The following CUBN variants were observed in gnomAD, a reference collection of about 807,000 sequenced individuals.
The protein encoded by CUBN is 460 kDa receptor.
In CUBN, 282 loss-of-function variants were observed where a neutral mutation model predicts 405.3. The observed-to-expected ratio is 0.70, with a 90% CI of 0.63 to 0.77. CUBN has a LOEUF of 0.77. Among genes scored for constraint, CUBN ranks in the 30% least tolerant of loss-of-function variants. The pLI, the probability that CUBN is intolerant of heterozygous loss-of-function variation, is 0.00. For synonymous variants in CUBN, 1,684 were observed against 1,617.0 expected (o/e 1.04, Z -0.99); for missense variants, 4,514 against 4,475.2 (o/e 1.01, Z -0.25).
At chr10:16,832,656 C>G (rs1350892205) in intron 64 of CUBN, among the ~76,000 whole-genome samples, 1 of 152,184 alleles carries the variant, frequency 6.6e-6, no homozygotes, top group African/African-American at 2.4e-5. Context: ...ACTGACACTG[C>G]TGACAACTTG....
rs191956697 is a variant in CUBN, at chr10:16,835,473, C to T, written c.10181-278G>A. 3.7e-3 allele frequency among the ~76,000 whole-genome samples: 557 copies of T among 152,242 alleles called. 5 individuals carry two copies. Among genetic ancestry groups the T allele is most frequent in the Non-Finnish European group, 6.7e-3 (459 of 68,024 alleles). On this transcript the variant is annotated intron_variant, in intron 63 of 66. Transcript: ENST00000377833. ...CCTTTAAAGACGAATACTCGAGCAT[C>T]CTTTGAACTTTTCTGATCACGTTGA...
intron 31 of CUBN, among the ~76,000 whole-genome samples, chr10:16,973,816 T>C (rs978130667): frequency 5.9e-5 from 9 of 152,202 alleles, no homozygotes; most frequent in East Asian, 3.9e-4. Flanking sequence ...GAAAAGGACA[T>C]GGTCTTGTTC....
chr10:16,983,147 T>C (rs1411638984), intron 30 of CUBN, among the ~76,000 whole-genome samples: 1 of 152,208 alleles, frequency 6.6e-6, no homozygotes, highest in Non-Finnish European at 1.5e-5. Flanking sequence ...GTTAGTTCAA[T>C]GTCTTCTCTA....
intron 50 of CUBN, among the ~76,000 whole-genome samples, chr10:16,904,830 C>T (rs1841512160): frequency 6.6e-6 from 1 of 152,194 alleles, no homozygotes; most frequent in East Asian, 1.9e-4. Flanking sequence ...GACCACAAGC[C>T]GGTGGTTTTG....
intron 31 of CUBN, among the ~76,000 whole-genome samples, chr10:16,957,178 C>T (rs1297257030): frequency 6.6e-6 from 1 of 152,124 alleles, no homozygotes; most frequent in Admixed American, 6.5e-5. Flanking sequence ...CAAATATCTC[C>T]CCATAATTTC....
chr10:17,109,623 G>C lies in CUBN; in HGVS notation c.1111+17C>G. Reference sequence around the variant, plus strand: ...ATATTACAATACCCAAAGCCAAAGAGAGAGATGAGTCATTACCTAGAGTTG... The same window carrying C: ...ATATTACAATACCCAAAGCCAAAGACAGAGATGAGTCATTACCTAGAGTTG... On this transcript the variant is annotated intron_variant, in intron 10 of 66. Coordinates refer to ENST00000377833, the MANE Select transcript of CUBN (RefSeq NM_001081.4). 1 of 1,598,830 alleles carries C rather than the reference G, an allele frequency of 6.3e-7. No individual in the cohort carries two copies. The highest frequency in any genetic ancestry group is 8.6e-7 in the Non-Finnish European group (1 of 1,166,052).
intron 17 of CUBN, among the ~76,000 whole-genome samples, chr10:17,075,073 C>CTTTTCT: frequency 1.5e-5 from 1 of 65,320 alleles, no homozygotes; most frequent in Admixed American, 1.7e-4. Context: ...TCTTTGTTTT[C>CTTTTCT]TTTTTTTTTT....
chr10:16,896,460 G>C (rs1841186731), intron 54 of CUBN, among the ~76,000 whole-genome samples: 2 of 152,054 alleles, frequency 1.3e-5, no homozygotes, highest in Admixed American at 1.3e-4. Context: ...CAATTCCTTT[G>C]TTTCAGCACT....
chr10:17,109,667 G>T lies in CUBN; in HGVS notation c.1084C>A (p.Pro362Thr). 6.2e-7 allele frequency: 1 copy of T among 1,613,826 alleles called. No homozygotes were observed. Residue 362 changes from proline (P) to threonine (T), a missense_variant, in exon 10 of 67, where the codon CCA becomes ACA. By Grantham distance (38) the Pro-to-Thr change is conservative. Coordinates refer to ENST00000377833, the MANE Select transcript of CUBN (RefSeq NM_001081.4). ...ICSVSNGGCH[P>T]DASCSSTLGS... ...AGAGTTGAGGAGCATGAGGCATCTG[G>T]GTGGCAGCCTCCATTACTGACTGAG...
chr10:17,031,835 T>C (rs994202207), intron 27 of CUBN, among the ~76,000 whole-genome samples: 6 of 152,224 alleles, frequency 3.9e-5, no homozygotes, highest in Non-Finnish European at 8.8e-5. Flanking sequence ...TTGGAATCTG[T>C]TATGCCATCA....
chr10:17,004,978 C>T (rs902936842), intron 28 of CUBN, among the ~76,000 whole-genome samples: 11 of 152,102 alleles, frequency 7.2e-5, no homozygotes, highest in African/African-American at 2.7e-4. Flanking sequence ...CTTTAATACG[C>T]TGCCTCACCC....
At chr10:16,854,832 C>A (rs889642000) in intron 59 of CUBN, among the ~76,000 whole-genome samples, 2 of 152,052 alleles carry the variant, frequency 1.3e-5, no homozygotes, top group African/African-American at 4.8e-5. Context: ...TTCCAGGGAA[C>A]CCCAGAACAA....
chr10:17,096,468 T>C (rs889613826), intron 14 of CUBN, among the ~76,000 whole-genome samples: 1 of 152,030 alleles, frequency 6.6e-6, no homozygotes, highest in Non-Finnish European at 1.5e-5. Flanking sequence ...ATGCTTGAAA[T>C]ATTGGGAAAA....
At chr10:17,031,410 T>C (rs1834784601) in intron 27 of CUBN, among the ~76,000 whole-genome samples, 1 of 152,140 alleles carries the variant, frequency 6.6e-6, no homozygotes, top group African/African-American at 2.4e-5. Context: ...TTGACTCTTA[T>C]TACTCCGTTT....
rs764905563 is a variant in CUBN at position 16,937,776 on chromosome 10, A to G, written c.5742T>C (p.Asp1914=). The G allele has an allele frequency of 3.1e-6, 5 of 1,613,942 alleles. No homozygotes were observed. Among genetic ancestry groups the G allele is most frequent in the Non-Finnish European group, 3.4e-6 (4 of 1,179,848 alleles). The stretch of plus-strand genomic sequence containing the variant: ...TTAGGCGGGCGTGAATGCTAGGCCC[A>G]TCATAGATCTGTACATAAAAACAGA... ...NCYYDKLRIY[D]GPSIHARLIG... is the part of the protein sequence containing the mutation. Residue 1914 remains aspartate, a synonymous_variant, in exon 39 of 67, where the codon GAT becomes GAC. Transcript: ENST00000377833.
chr10:17,007,267 C>T (rs888363678), intron 28 of CUBN, among the ~76,000 whole-genome samples: 3 of 150,594 alleles, frequency 2.0e-5, no homozygotes, highest in Admixed American at 6.6e-5. Flanking sequence ...TACCATGAAC[C>T]GATTAGAGAC....
At chr10:16,952,472 C>A (rs990183235) in intron 32 of CUBN, 83 bp from the exon 33 acceptor site, 7 of 899,442 alleles carry the variant, frequency 7.8e-6, no homozygotes, top group East Asian at 2.5e-5. Context: ...ATGAATAAAA[C>A]CATCAATGAT....
chr10:16,901,586 G>T, intron 51 of CUBN, 127 bp from the exon 52 acceptor site: 1 of 1,251,264 alleles, frequency 8.0e-7, no homozygotes, highest in Non-Finnish European at 1.1e-6. Flanking sequence ...AGGCATGGTG[G>T]CTCACGCCAG....
intron 54 of CUBN, among the ~76,000 whole-genome samples, chr10:16,897,469 C>T (rs1370863084): frequency 6.6e-6 from 1 of 152,052 alleles, no homozygotes; most frequent in Non-Finnish European, 1.5e-5. Context: ...GTGTGTTTCT[C>T]AGTTGAAGGC....
Sources: gnomAD v4.1 joint callset for allele counts (sites outside exome capture counted in the v4.1 genomes callset) on GRCh38, gnomAD v4.1.1 for gene constraint, MANE v1.5 for transcripts, NCBI Gene and HGNC (gene_info 2026-07-23, HGNC 2026-07-21) for gene names.